TAF3: variants seen among roughly 807,000 people sequenced by gnomAD.
TAF3 encodes transcription initiation factor TFIID subunit 3.
In TAF3, 7 loss-of-function variants were observed where a neutral mutation model predicts 80.6. The ratio of observed to expected loss-of-function variants is 0.09; its 90% CI spans 0.05 to 0.16. The LOEUF (loss-of-function observed/expected upper bound fraction) is 0.16, where lower values mean the gene tolerates loss of function less well. Among genes scored for constraint, TAF3 ranks in the 10% least tolerant of loss-of-function variants. TAF3 has a pLI of 1.00. For synonymous variants in TAF3, 444 were observed against 446.1 expected (o/e 1.00, Z 0.06); for missense variants, 921 against 1,140.2 (o/e 0.81, Z 2.77).
intron 5 of TAF3, 95 bp from the exon 6 acceptor site, chr10:8,013,636 C>T (rs760378133): frequency 2.7e-5 from 25 of 921,242 alleles, no homozygotes; most frequent in African/African-American, 1.8e-4. Context: ...CCTGTTTATT[C>T]GGTTAACAGT....
chr10:7,861,187 A>T (rs547439693), intron 2 of TAF3, among the ~76,000 whole-genome samples: 9 of 151,780 alleles, frequency 5.9e-5, no homozygotes, highest in Non-Finnish European at 1.0e-4. Context: ...GGTGGTCTCG[A>T]TCTCCTGACC....
At chr10:8,008,022 C>T (rs935236254) in intron 4 of TAF3, among the ~76,000 whole-genome samples, 2 of 151,422 alleles carry the variant, frequency 1.3e-5, no homozygotes, top group East Asian at 2.0e-4. Context: ...CGACCTGCGG[C>T]AGCATCACCA....
intron 4 of TAF3, among the ~76,000 whole-genome samples, chr10:8,006,361 A>G (rs1401058555): frequency 2.8e-4 from 42 of 151,990 alleles, no homozygotes; most frequent in Non-Finnish European, 1.5e-5. Flanking sequence ...AGGCAACAAG[A>G]GTGAAACTCC....
At chr10:7,981,440 C>G (rs1831724681) in intron 4 of TAF3, among the ~76,000 whole-genome samples, 1 of 152,176 alleles carries the variant, frequency 6.6e-6, no homozygotes, top group Non-Finnish European at 1.5e-5. Context: ...CATGTTTTCT[C>G]TAATAAATAT....
intron 2 of TAF3, 113 bp downstream of exon 2, chr10:7,824,673 T>G: frequency 7.7e-7 from 1 of 1,302,158 alleles, no homozygotes; most frequent in African/African-American, 1.5e-5. Context: ...ATAGAAACAT[T>G]TACTGTTACT....
At chr10:7,961,293 A>G (rs1190073672) in intron 2 of TAF3, among the ~76,000 whole-genome samples, 1 of 152,222 alleles carries the variant, frequency 6.6e-6, no homozygotes, top group African/African-American at 2.4e-5. Flanking sequence ...TGCCATCATT[A>G]TCGCGAATCG....
intron 2 of TAF3, among the ~76,000 whole-genome samples, chr10:7,846,530 C>G (rs1836974595): frequency 1.3e-5 from 2 of 152,054 alleles, no homozygotes; most frequent in Non-Finnish European, 2.9e-5. Context: ...TGTTTTTGAA[C>G]AGTTTTAACT....
rs114685248 is a variant in TAF3, at chr10:7,946,316, A to C, written c.410-17604A>C. Among the ~76,000 whole-genome samples the C allele has an allele frequency of 4.2e-3, 633 of 152,232 alleles. 3 individuals carry two copies. Among genetic ancestry groups the C allele is most frequent in the African/African-American group, 0.014 (592 of 41,532 alleles). Reference sequence around the variant, plus strand: ...AACTCGTTACGCAGTATGGCTGTCCACATGCTGTCCCTGCACCTGGAGTAC... The same window carrying C: ...AACTCGTTACGCAGTATGGCTGTCCCCATGCTGTCCCTGCACCTGGAGTAC... On this transcript the variant is annotated intron_variant, in intron 2 of 6. Transcript: ENST00000344293.
In TAF3 at chr10:8,015,782, G is replaced by C. The variant is rs1394271926; in HGVS notation, c.*1031G>C. The stretch of plus-strand genomic sequence containing the variant: ...AGAGTTTATGACTTGAAGTTGTTTT[G>C]TTTGTTGTCTATTTTGTTTTTGTAA... On this transcript the variant is annotated 3_prime_UTR_variant, in exon 7 of 7. Coordinates refer to ENST00000344293, the MANE Select transcript of TAF3 (RefSeq NM_031923.4). 1 of 151,266 alleles carries C rather than the reference G, an allele frequency of 6.6e-6. No homozygotes were observed. The highest frequency in any genetic ancestry group is 2.4e-5 in the African/African-American group (1 of 41,134). The allele number at this position is 151,266 out of a possible 1,614,324, so 9.4% of individuals were successfully genotyped here. A position where few individuals can be genotyped will look rare whatever the true frequency, so the allele number is the denominator to read the frequency against.
chr10:7,851,525 G>C (rs538465860), intron 2 of TAF3, among the ~76,000 whole-genome samples: 27 of 152,146 alleles, frequency 1.8e-4, no homozygotes, highest in Non-Finnish European at 3.4e-4. Context: ...TTTTATCATA[G>C]GAAATTTTCA....
intron 2 of TAF3, among the ~76,000 whole-genome samples, chr10:7,896,092 G>C (rs150866109): frequency 6.6e-6 from 1 of 152,146 alleles, no homozygotes; most frequent in African/African-American, 2.4e-5. Flanking sequence ...TAACTGCATC[G>C]GTTGCTGCTG....
Position 7,873,618 on chromosome 10 carries a change from C to CCG in TAF3, c.409+49059_409+49060insGC, listed in dbSNP as rs1588534041. 6.0e-4 allele frequency among the ~76,000 whole-genome samples: 17 copies of CCG among 28,444 alleles called. 1 individual carries two copies. The South Asian group carries it at 0.015, about 25-fold the overall frequency. 18.7% of individuals were successfully genotyped at this position (28,444 alleles called of 152,430 possible). ...CCCCAAGGGAAGACATCCGAGTTCT[C>CCG]CCCCCCCCCCCGTCAAAAGGGGGTG... On this transcript the variant is annotated intron_variant, in intron 2 of 6. Coordinates refer to ENST00000344293, the MANE Select transcript of TAF3 (RefSeq NM_031923.4).
intron 2 of TAF3, among the ~76,000 whole-genome samples, chr10:7,859,582 T>A (rs1267343996): frequency 6.6e-6 from 1 of 152,192 alleles, no homozygotes; most frequent in Non-Finnish European, 1.5e-5. Context: ...TTGCTGTTGA[T>A]AAAGAACCTT....
At chr10:7,942,678 G>A (rs1410963032) in intron 2 of TAF3, among the ~76,000 whole-genome samples, 7 of 152,204 alleles carry the variant, frequency 4.6e-5, no homozygotes, top group Non-Finnish European at 1.0e-4. Context: ...ATCCCAAGAA[G>A]CGCTGGGGAA....
At chr10:7,902,070 G>C (rs550221881) in intron 2 of TAF3, among the ~76,000 whole-genome samples, 1 of 152,110 alleles carries the variant, frequency 6.6e-6, no homozygotes, top group Non-Finnish European at 1.5e-5. Flanking sequence ...TGTTTTCTTA[G>C]AACCAGGACA....
intron 2 of TAF3, among the ~76,000 whole-genome samples, chr10:7,937,516 G>GC (rs1837932573): frequency 6.6e-6 from 1 of 152,060 alleles, no homozygotes; most frequent in African/African-American, 2.4e-5. Context: ...CAGGTCTTTT[G>GC]CCCATTTTTA....
At chr10:7,953,153 A>G (rs1388376407) in intron 2 of TAF3, among the ~76,000 whole-genome samples, 6 of 152,086 alleles carry the variant, frequency 3.9e-5, no homozygotes, top group Non-Finnish European at 8.8e-5. Flanking sequence ...CTAATCCTCA[A>G]CATTCCATCA....
rs141067350 is a variant in TAF3, at chr10:7,888,146, A to C, written c.409+63586A>C. Among the ~76,000 whole-genome samples, 1,139 of 152,056 alleles carry C rather than the reference A, an allele frequency of 7.5e-3. 9 individuals are homozygous for C. Among genetic ancestry groups the C allele is most frequent in the Non-Finnish European group, 0.011 (742 of 67,974 alleles). On this transcript the variant is annotated intron_variant, in intron 2 of 6. Coordinates refer to ENST00000344293, the MANE Select transcript of TAF3 (RefSeq NM_031923.4). ...CACACTCAGATCTCTCCCATATGAA[A>C]CGTTTAAAGTTTTTCCTGAACGCTG...
intron 6 of TAF3, 126 bp from the exon 7 acceptor site, chr10:8,014,511 A>T: frequency 1.4e-6 from 1 of 732,624 alleles, no homozygotes; most frequent in Non-Finnish European, 2.2e-6. Flanking sequence ...CACACAAGTT[A>T]GTGCTGCTTG....
Sources: allele counts gnomAD v4.1 joint callset (sites outside exome capture counted in the v4.1 genomes callset), GRCh38; gene constraint gnomAD v4.1.1; transcripts MANE v1.5; gene names NCBI Gene and HGNC (gene_info 2026-07-23, HGNC 2026-07-21).